Variants in BBOX1 observed in about 807,000 individuals in gnomAD.
The protein encoded by BBOX1 is gamma-butyrobetaine dioxygenase.
Under a neutral mutation model 41.6 loss-of-function variants are expected in BBOX1, and 35 were observed. That is an observed-to-expected ratio of 0.84 (90% CI 0.64 to 1.11). The LOEUF is 1.11. Among genes scored for constraint, BBOX1 ranks in the 50% most tolerant of loss-of-function variants. The pLI, the probability that BBOX1 is intolerant of heterozygous loss-of-function variation, is 0.00. For synonymous variants in BBOX1, 163 were observed against 154.7 expected (o/e 1.05, Z -0.40); for missense variants, 458 against 460.6 (o/e 0.99, Z 0.05).
At chr11:27,109,708 C>T (rs922867613) in intron 5 of BBOX1, among the ~76,000 whole-genome samples, 11 of 152,144 alleles carry the variant, frequency 7.2e-5, no homozygotes, top group Non-Finnish European at 1.2e-4. Flanking sequence ...TGAATTCTAT[C>T]CTTCTGGGAC....
chr11:27,053,859 A>T (rs565839020), intron 2 of BBOX1, among the ~76,000 whole-genome samples: 1 of 152,286 alleles, frequency 6.6e-6, no homozygotes, highest in Non-Finnish European at 1.5e-5. Flanking sequence ...TATAGTTCCA[A>T]AGCAGAAATA....
intron 5 of BBOX1, among the ~76,000 whole-genome samples, chr11:27,100,073 A>G (rs1424498537): frequency 6.6e-6 from 1 of 152,126 alleles, no homozygotes; most frequent in Non-Finnish European, 1.5e-5. Context: ...TGCATTTCTG[A>G]AAGTTGTCTT....
intron 4 of BBOX1, among the ~76,000 whole-genome samples, chr11:27,075,185 A>G (rs1482259032): frequency 6.6e-6 from 1 of 151,976 alleles, no homozygotes; most frequent in Non-Finnish European, 1.5e-5. Flanking sequence ...TTTATAGTTT[A>G]TTGCAGCCTT....
At chr11:27,046,651 G>A (rs961444857) in intron 2 of BBOX1, among the ~76,000 whole-genome samples, 4 of 151,964 alleles carry the variant, frequency 2.6e-5, no homozygotes, top group Admixed American at 2.6e-4. Flanking sequence ...TGTTTTATAG[G>A]TGTTCTTTAA....
At chr11:27,060,538 A>G (rs1272738505) in intron 4 of BBOX1, among the ~76,000 whole-genome samples, 1 of 152,236 alleles carries the variant, frequency 6.6e-6, no homozygotes, top group Non-Finnish European at 1.5e-5. Flanking sequence ...ATTCTTAGCC[A>G]CATACCAAGA....
rs189326463 is a variant in BBOX1, at chr11:27,093,308, C to T, written c.475C>T (p.Pro159Ser). Residue 159 changes from proline to serine, a missense_variant, in exon 5 of 9, where the codon CCA becomes TCA. Transcript: ENST00000263182. ...AAGACTCACCGGAGCATCTGACAAACCAGGAGAAGTTTCAAAACTTGGGAA... is the reference window on the plus strand; with the variant it reads ...AAGACTCACCGGAGCATCTGACAAATCAGGAGAAGTTTCAAAACTTGGGAA... ...IVRLTGASDK[P>S]GEVSKLGKRM... 6.2e-7 allele frequency: 1 copy of T among 1,612,540 alleles called. No individual in the cohort carries two copies. Among genetic ancestry groups the T allele is most frequent in the East Asian group, 2.2e-5 (1 of 44,788 alleles).
At chr11:27,049,987 G>A (rs958153186) in intron 2 of BBOX1, among the ~76,000 whole-genome samples, 5 of 152,052 alleles carry the variant, frequency 3.3e-5, no homozygotes, top group Admixed American at 6.6e-5. Context: ...TAGAGTTTCA[G>A]ATTTTATGTT....
At chr11:27,102,953 G>A (rs1858716427) in intron 5 of BBOX1, among the ~76,000 whole-genome samples, 1 of 152,146 alleles carries the variant, frequency 6.6e-6, no homozygotes, top group South Asian at 2.1e-4. Flanking sequence ...CACTTTGGGA[G>A]GCTGAGGCAG....
chr11:27,043,224 C>T (rs1479424365), intron 2 of BBOX1, among the ~76,000 whole-genome samples: 3 of 152,006 alleles, frequency 2.0e-5, no homozygotes, highest in Non-Finnish European at 4.4e-5. Flanking sequence ...CCACCACGCC[C>T]GGCTAACTTT....
intron 5 of BBOX1, among the ~76,000 whole-genome samples, chr11:27,103,477 C>A (rs903043943): frequency 3.9e-5 from 6 of 151,962 alleles, no homozygotes; most frequent in African/African-American, 1.4e-4. Context: ...TCTCTCAAAT[C>A]GTTTCTATTG....
intron 4 of BBOX1, among the ~76,000 whole-genome samples, chr11:27,085,452 C>T (rs1268651738): frequency 2.0e-5 from 3 of 151,952 alleles, no homozygotes; most frequent in African/African-American, 7.2e-5. Flanking sequence ...TTTGAGCTTA[C>T]TACTGTAATT....
At chr11:27,067,818 G>A (rs1401943998) in intron 4 of BBOX1, among the ~76,000 whole-genome samples, 1 of 152,024 alleles carries the variant, frequency 6.6e-6, no homozygotes, top group Non-Finnish European at 1.5e-5. Flanking sequence ...GCTTGCAAGT[G>A]AGGACATACA....
At chr11:27,058,339 T>C (rs1005105221) in intron 4 of BBOX1, among the ~76,000 whole-genome samples, 2 of 152,192 alleles carry the variant, frequency 1.3e-5, no homozygotes, top group Non-Finnish European at 2.9e-5. Context: ...CTTTTCTTTA[T>C]AAATTACCCA....
chr11:27,050,728 G>GT (rs1310257254), intron 2 of BBOX1, among the ~76,000 whole-genome samples: 7 of 152,058 alleles, frequency 4.6e-5, no homozygotes, highest in East Asian at 1.9e-4. Flanking sequence ...AGTTCTAAAA[G>GT]TTTTTTCTGC....
intron 5 of BBOX1, among the ~76,000 whole-genome samples, chr11:27,108,170 C>G (rs144048380): frequency 3.3e-5 from 5 of 152,152 alleles, no homozygotes; most frequent in African/African-American, 7.2e-5. Context: ...CTGATGAAGC[C>G]AAGTCACAGA....
intron 2 of BBOX1, among the ~76,000 whole-genome samples, chr11:27,044,593 C>T (rs1851437775): frequency 6.6e-6 from 1 of 152,100 alleles, no homozygotes; most frequent in African/African-American, 2.4e-5. Flanking sequence ...TTTAATCCAT[C>T]TTTAGTTAAT....
intron 2 of BBOX1, among the ~76,000 whole-genome samples, chr11:27,048,550 AT>A (rs1851565265): frequency 6.6e-6 from 1 of 151,780 alleles, no homozygotes; most frequent in Non-Finnish European, 1.5e-5. Flanking sequence ...AGATAGATAG[AT>A]AGATAATAGA....
chr11:27,062,327 G>A (rs1476398463), intron 4 of BBOX1, among the ~76,000 whole-genome samples: 6 of 152,146 alleles, frequency 3.9e-5, no homozygotes, highest in Admixed American at 6.5e-5. Flanking sequence ...ACCTGCAGGC[G>A]ATTAAGAGTT....
chr11:27,088,445 T>C (rs2134031718), intron 4 of BBOX1, among the ~76,000 whole-genome samples: 1 of 152,188 alleles, frequency 6.6e-6, no homozygotes. Context: ...CAAAGGTGAA[T>C]AGCAATGTTG....
Sources: gnomAD v4.1 joint callset for allele counts (sites outside exome capture counted in the v4.1 genomes callset) on GRCh38, gnomAD v4.1.1 for gene constraint, MANE v1.5 for transcripts, NCBI Gene and HGNC (gene_info 2026-07-23, HGNC 2026-07-21) for gene names.